The following IL16 variants were observed in gnomAD, a reference collection of about 807,000 sequenced individuals.
IL16 encodes interleukin 16, also known as pro-interleukin-16.
IL16 carries 67 observed loss-of-function variants against 110.1 expected under a neutral mutation model. The observed-to-expected ratio is 0.61, with a 90% CI of 0.50 to 0.75. The LOEUF is 0.75. Among genes scored for constraint, IL16 ranks in the 30% least tolerant of loss-of-function variants. IL16 has a pLI of 0.00. For missense variants in IL16, 1,545 were observed against 1,655.0 expected (o/e 0.93, Z 1.15); for synonymous variants, 689 against 662.9 (o/e 1.04, Z -0.61).
chr15:81,274,745 TG>T (rs1342553649), intron 6 of IL16, among the ~76,000 whole-genome samples: 2 of 152,104 alleles, frequency 1.3e-5, no homozygotes, highest in Non-Finnish European at 2.9e-5. Flanking sequence ...TAGTGTGGAG[TG>T]GTTGCAGCTC....
At chr15:81,297,906 A>G (rs1432731082) in intron 13 of IL16, among the ~76,000 whole-genome samples, 3 of 152,242 alleles carry the variant, frequency 2.0e-5, no homozygotes, top group Non-Finnish European at 4.4e-5. Context: ...GTAACACTAC[A>G]GAAAAGCTCA....
In IL16 at chr15:81,292,978, C is replaced by T; in HGVS notation, c.1843C>T (p.Leu615=). 1 of 1,613,750 alleles carries T rather than the reference C, an allele frequency of 6.2e-7. No homozygotes were observed. Residue 615 remains leucine, a synonymous_variant, in exon 12 of 19, where the codon CTG becomes TTG. Coordinates refer to ENST00000683961, the MANE Select transcript of IL16 (RefSeq NM_172217.5). ...FKSDSDPQKS[L]EERENSSCSS... ...AAGTGACAGTGACCCTCAGAAGAGT[C>T]TGGAAGAGAGAGAGAACTCCTCATG...
intron 3 of IL16, among the ~76,000 whole-genome samples, chr15:81,263,357 T>G (rs917290736): frequency 1.5e-4 from 18 of 123,554 alleles, no homozygotes; most frequent in Admixed American, 1.3e-3. Flanking sequence ...TTTTTTTTTG[T>G]TTTTTTTTTT....
At chr15:81,271,330 C>T (rs1268706039) in intron 5 of IL16, among the ~76,000 whole-genome samples, 3 of 151,290 alleles carry the variant, frequency 2.0e-5, no homozygotes, top group African/African-American at 4.9e-5. Context: ...ATAATTAACC[C>T]GGTATGCTGG....
intron 1 of IL16, among the ~76,000 whole-genome samples, chr15:81,198,463 A>G (rs1007741580): frequency 2.6e-5 from 4 of 152,156 alleles, no homozygotes; most frequent in Admixed American, 1.3e-4. Context: ...AAAGATGGTC[A>G]TATATCCATA....
At chr15:81,253,969 T>C (rs1205465161) in intron 2 of IL16, among the ~76,000 whole-genome samples, 1 of 152,164 alleles carries the variant, frequency 6.6e-6, no homozygotes, top group East Asian at 1.9e-4. Flanking sequence ...CCACATGACA[T>C]GTGGCCATCC....
chr15:81,200,080 C>T (rs1234341054), intron 1 of IL16, among the ~76,000 whole-genome samples: 2 of 152,100 alleles, frequency 1.3e-5, no homozygotes, highest in Admixed American at 6.6e-5. Context: ...GAACCAACTT[C>T]CTTTTTCTAA....
chr15:81,289,379 C>T (rs901335497), intron 10 of IL16, among the ~76,000 whole-genome samples: 4 of 152,186 alleles, frequency 2.6e-5, no homozygotes, highest in African/African-American at 9.7e-5. Context: ...AAGTGATCTG[C>T]CTGCCTCAGC....
rs549259654 is a variant in IL16, at chr15:81,313,037, G to C, written c.*4239G>C. The stretch of plus-strand genomic sequence containing the variant: ...TTGGGTAACAGGCAGATGGAGTTTG[G>C]AACACATGAATGGCTCATCACACGC... On this transcript the variant is annotated 3_prime_UTR_variant, in exon 19 of 19. Transcript: ENST00000683961. 1 of 398,218 alleles carries C rather than the reference G, an allele frequency of 2.5e-6. No homozygotes were observed. The highest frequency in any genetic ancestry group is 4.6e-5 in the East Asian group (1 of 21,822). 24.7% of individuals were successfully genotyped at this position (398,218 alleles called of 1,614,324 possible).
chr15:81,201,196 T>C (rs1895800640), intron 1 of IL16, among the ~76,000 whole-genome samples: 1 of 151,874 alleles, frequency 6.6e-6, no homozygotes, highest in South Asian at 2.1e-4. Flanking sequence ...AAGAGAAATA[T>C]ATCTAAAAAT....
At chr15:81,250,251 C>A (rs1897720836) in intron 2 of IL16, among the ~76,000 whole-genome samples, 1 of 152,266 alleles carries the variant, frequency 6.6e-6, no homozygotes, top group Middle Eastern at 3.4e-3. Context: ...CTCACTGCAA[C>A]CTCTGCCTCC....
intron 2 of IL16, among the ~76,000 whole-genome samples, chr15:81,235,827 A>G (rs1179808679): frequency 6.6e-6 from 1 of 152,200 alleles, no homozygotes; most frequent in African/African-American, 2.4e-5. Context: ...CAGAGAGTCT[A>G]TTCACATGGC....
chr15:81,219,019 G>C (rs191731865), intron 1 of IL16, among the ~76,000 whole-genome samples: 1 of 151,842 alleles, frequency 6.6e-6, no homozygotes, highest in African/African-American at 2.4e-5. Flanking sequence ...ACGGTCGTTA[G>C]CATTGTTACC....
In IL16 at chr15:81,300,037, T is replaced by C; in HGVS notation, c.2711T>C (p.Leu904Pro). The change falls in exon 14 of 19, where the codon CTG (leucine) becomes CCG (proline). Residue 904 changes from leucine to proline, a missense_variant. Leu to Pro is a moderately conservative substitution (Grantham distance 98). Coordinates refer to ENST00000683961, the MANE Select transcript of IL16 (RefSeq NM_172217.5). Reference protein sequence around the residue: ...TLVPQQPEQVLSSGSPAASEA... With the variant: ...TLVPQQPEQVPSSGSPAASEA... ...GTGCCCCAGCAGCCTGAGCAAGTAC[T>C]GTCCTCGGGGTCCCCTGCAGCCTCC... 6.4e-7 allele frequency: 1 copy of C among 1,571,074 alleles called. No individual in the cohort carries two copies. Among genetic ancestry groups the C allele is most frequent in the Non-Finnish European group, 8.6e-7 (1 of 1,159,588 alleles).
intron 10 of IL16, among the ~76,000 whole-genome samples, 168 bp from the exon 11 acceptor site, chr15:81,290,285 A>C (rs1330073506): frequency 1.3e-5 from 2 of 152,220 alleles, no homozygotes; most frequent in Non-Finnish European, 2.9e-5. Flanking sequence ...CTGAGGAACC[A>C]TTGATTCCCG....
At chr15:81,201,383 C>G (rs1176022334) in intron 1 of IL16, among the ~76,000 whole-genome samples, 1 of 152,092 alleles carries the variant, frequency 6.6e-6, no homozygotes, top group Non-Finnish European at 1.5e-5. Context: ...CTCCATAATG[C>G]TCTATAGCTG....
At chr15:81,182,913 C>T in intron 1 of IL16, 3 of 1,286,278 alleles carry the variant, frequency 2.3e-6, no homozygotes, top group Non-Finnish European at 3.0e-6. Context: ...GGAGCTCCTT[C>T]TCCTATCCCA....
At chr15:81,275,670 A>G (rs1196428077) in intron 6 of IL16, among the ~76,000 whole-genome samples, 1 of 152,178 alleles carries the variant, frequency 6.6e-6, no homozygotes, top group Non-Finnish European at 1.5e-5. Context: ...CCCTTAATTA[A>G]CAGCAATCAT....
At chr15:81,205,202 A>T (rs910461000) in intron 1 of IL16, among the ~76,000 whole-genome samples, 2 of 151,720 alleles carry the variant, frequency 1.3e-5, no homozygotes, top group Non-Finnish European at 2.9e-5. Context: ...GCTACTCGGG[A>T]GGCTAAGGCA....
Sources: allele counts gnomAD v4.1 joint callset (sites outside exome capture counted in the v4.1 genomes callset), GRCh38; gene constraint gnomAD v4.1.1; transcripts MANE v1.5; gene names NCBI Gene and HGNC (gene_info 2026-07-23, HGNC 2026-07-21).